Variants in MARCHF8 observed in about 807,000 individuals in gnomAD.
MARCHF8 encodes the protein E3 ubiquitin-protein ligase MARCHF8.
MARCHF8 carries 40 observed loss-of-function variants against 51.6 expected under a neutral mutation model. The ratio of observed to expected loss-of-function variants is 0.77; its 90% CI spans 0.60 to 1.01. MARCHF8 has a LOEUF of 1.01. MARCHF8 is among the 50% of genes least tolerant of loss of function. MARCHF8 has a pLI of 0.00. For synonymous variants in MARCHF8, 263 were observed against 280.3 expected, an observed-to-expected ratio of 0.94 and a Z score of 0.62; for missense variants, 685 against 708.6, an observed-to-expected ratio of 0.97 and a Z score of 0.38.
At chr10:45,588,955 C>T (rs1264143014) in intron 1 of MARCHF8, among the ~76,000 whole-genome samples, 2 of 140,176 alleles carry the variant, frequency 1.4e-5, no homozygotes, top group East Asian at 2.1e-4. Flanking sequence ...GCCAAGATCA[C>T]GCCACTGCAC....
At chr10:45,462,619 TTTTTG>T (rs1465944154) in intron 5 of MARCHF8, among the ~76,000 whole-genome samples, 3 of 148,504 alleles carry the variant, frequency 2.0e-5, no homozygotes, top group Admixed American at 6.9e-5. Flanking sequence ...CCTCTTTTTT[TTTTTG>T]TTTTGTTTTG....
At chr10:45,490,516 C>T (rs2043062148) in intron 2 of MARCHF8, among the ~76,000 whole-genome samples, 1 of 152,076 alleles carries the variant, frequency 6.6e-6, no homozygotes, top group South Asian at 2.1e-4. Context: ...TTCCAGCCTC[C>T]AGACTATGAG....
chr10:45,534,492 A>G (rs1214840020), intron 1 of MARCHF8, among the ~76,000 whole-genome samples: 2 of 152,074 alleles, frequency 1.3e-5, no homozygotes, highest in African/African-American at 4.8e-5. Context: ...TAATAATTGA[A>G]TTGTGTGTTG....
At chr10:45,489,257 C>T (rs1057412744) in intron 3 of MARCHF8, 110 bp downstream of exon 3, 2 of 816,676 alleles carry the variant, frequency 2.4e-6, no homozygotes, top group Non-Finnish European at 3.9e-6. Flanking sequence ...AGAAATGTAT[C>T]AAGAACTCTA....
At chr10:45,568,669 A>G (rs1179472557) in intron 1 of MARCHF8, among the ~76,000 whole-genome samples, 1 of 142,344 alleles carries the variant, frequency 7.0e-6, no homozygotes, top group Non-Finnish European at 1.5e-5. Flanking sequence ...CAGTGAGTTG[A>G]GATGGCACCA....
At chr10:45,471,384 T>G (rs896381888) in intron 3 of MARCHF8, among the ~76,000 whole-genome samples, 3 of 152,226 alleles carry the variant, frequency 2.0e-5, no homozygotes, top group Admixed American at 6.5e-5. Flanking sequence ...ATAATTTGTT[T>G]TCAATAAATT....
intron 1 of MARCHF8, among the ~76,000 whole-genome samples, chr10:45,571,241 C>T (rs2044425539): frequency 6.6e-6 from 1 of 152,074 alleles, no homozygotes; most frequent in African/African-American, 2.4e-5. Flanking sequence ...ATCAAGATGG[C>T]CTGAAGTAAC....
At chr10:45,540,361 T>C (rs1001211340), upstream of MARCHF8, among the ~76,000 whole-genome samples, 4 of 152,198 alleles carry the variant, frequency 2.6e-5, no homozygotes, top group South Asian at 6.2e-4. Flanking sequence ...AACAGAGATA[T>C]AGACCAATGG....
intron 6 of MARCHF8, chr10:45,459,759 T>C: frequency 2.0e-6 from 2 of 985,450 alleles, no homozygotes; most frequent in Non-Finnish European, 2.4e-6. Context: ...CTTGCTACTT[T>C]GGCAGCAACA....
At chr10:45,524,030 G>C (rs2043751534) in intron 2 of MARCHF8, among the ~76,000 whole-genome samples, 1 of 152,154 alleles carries the variant, frequency 6.6e-6, no homozygotes, top group South Asian at 2.1e-4. Flanking sequence ...TTTTTACTAA[G>C]AATATTTAAA....
At chr10:45,502,076 G>C (rs182365867) in intron 2 of MARCHF8, among the ~76,000 whole-genome samples, 21 of 152,162 alleles carry the variant, frequency 1.4e-4, no homozygotes, top group Non-Finnish European at 2.6e-4. Flanking sequence ...AAAAACTTTG[G>C]AAGTTTCTTT....
At chr10:45,461,078 A>G (rs1842769849) in intron 6 of MARCHF8, 153 bp downstream of exon 6, 2 of 473,708 alleles carry the variant, frequency 4.2e-6, no homozygotes, top group South Asian at 5.6e-5. Context: ...AATCAGCACC[A>G]GAAACAACAA....
chr10:45,567,141 T>C (rs1433686442), intron 1 of MARCHF8, among the ~76,000 whole-genome samples: 1 of 152,216 alleles, frequency 6.6e-6, no homozygotes. Flanking sequence ...TTTTTTCCTA[T>C]AGAGTTAGTA....
At chr10:45,532,013 C>T (rs1021009700) in intron 2 of MARCHF8, among the ~76,000 whole-genome samples, 5 of 152,108 alleles carry the variant, frequency 3.3e-5, no homozygotes, top group African/African-American at 1.2e-4. Context: ...CTCACGGGGC[C>T]CTGCAAGTTC....
chr10:45,569,636 T>C (rs2044406453), intron 1 of MARCHF8, among the ~76,000 whole-genome samples: 1 of 152,208 alleles, frequency 6.6e-6, no homozygotes, highest in African/African-American at 2.4e-5. Flanking sequence ...AGCGTCACCT[T>C]ATTTGACCTC....
intron 1 of MARCHF8, among the ~76,000 whole-genome samples, chr10:45,586,108 A>C (rs1399885957): frequency 6.6e-6 from 1 of 152,202 alleles, no homozygotes; most frequent in African/African-American, 2.4e-5. Context: ...GCATAATGTG[A>C]AGTTCTGACA....
intron 1 of MARCHF8, among the ~76,000 whole-genome samples, chr10:45,541,444 T>C (rs1051387752): frequency 6.6e-5 from 10 of 152,046 alleles, no homozygotes; most frequent in African/African-American, 2.4e-4. Flanking sequence ...AGGGGAGGGA[T>C]AGCATTAGGA....
At chr10:45,511,881 G>A (rs1228011695) in intron 2 of MARCHF8, among the ~76,000 whole-genome samples, 7 of 151,246 alleles carry the variant, frequency 4.6e-5, no homozygotes, top group East Asian at 3.9e-4. Context: ...CGTCTGGGAC[G>A]TGAGGAGCCC....
chr10:45,570,188 C>G (rs990522088), intron 1 of MARCHF8, among the ~76,000 whole-genome samples: 2 of 152,074 alleles, frequency 1.3e-5, no homozygotes, highest in Middle Eastern at 3.4e-3. Context: ...AAACCCATTA[C>G]CAAAATATTT....
Sources: allele counts gnomAD v4.1 joint callset (sites outside exome capture counted in the v4.1 genomes callset), GRCh38; gene constraint gnomAD v4.1.1; transcripts MANE v1.5; gene names NCBI Gene and HGNC (gene_info 2026-07-23, HGNC 2026-07-21).